The following CP variants were observed in gnomAD, a reference collection of about 807,000 sequenced individuals.
CP encodes caeruloplasmin.
Under a neutral mutation model 122.4 loss-of-function variants are expected in CP, and 64 were observed. The observed-to-expected ratio is 0.52, with a 90% CI of 0.43 to 0.64. The LOEUF is 0.64. Among genes scored for constraint, CP ranks in the 30% least tolerant of loss-of-function variants. The pLI is 0.00. For synonymous variants in CP, 440 were observed against 436.4 expected, an observed-to-expected ratio of 1.01 and a Z score of -0.10; for missense variants, 1,167 against 1,284.4, an observed-to-expected ratio of 0.91 and a Z score of 1.40.
chr3:149,187,881 A>G lies in CP; in HGVS notation c.1864+171T>C. On this transcript the variant is annotated intron_variant, in intron 10 of 18. Transcript: ENST00000264613. ...TATCTTGAATTAAGTGAAATAATGGATAACTGACAGACACATCAAATAACC... is the reference window on the plus strand; with the variant it reads ...TATCTTGAATTAAGTGAAATAATGGGTAACTGACAGACACATCAAATAACC... The G allele has an allele frequency of 4.4e-6, 3 of 676,394 alleles. No homozygotes were observed. In the East Asian group the frequency reaches 7.8e-5, roughly 18 times the overall value. The allele number at this position is 676,394 out of a possible 1,614,324, so 41.9% of individuals were successfully genotyped here.
chr3:149,183,065 C>A (rs1283395254), intron 13 of CP, among the ~76,000 whole-genome samples: 5 of 152,058 alleles, frequency 3.3e-5, no homozygotes, highest in African/African-American at 1.2e-4. Context: ...GTGGGAGACT[C>A]ACTTGAGCAC....
intron 5 of CP, among the ~76,000 whole-genome samples, chr3:149,164,863 C>A (rs1724252359): frequency 6.6e-6 from 1 of 152,162 alleles, no homozygotes; most frequent in East Asian, 1.9e-4. Flanking sequence ...CATGCATCTT[C>A]ATCATTTGAT....
Position 149,188,053 on chromosome 3 carries a change from G to A in CP, c.1863C>T (p.His621=), listed in dbSNP as rs1486669116. 2.5e-6 allele frequency: 4 copies of A among 1,611,638 alleles called. No individual in the cohort carries two copies. Among genetic ancestry groups the A allele is most frequent in the African/African-American group, 1.3e-5 (1 of 74,952 alleles). ...DEDFQESNKM[H]SMNGFMYGNQ... is the part of the protein sequence containing the mutation. ...ATTGGTGGATGATGCAGTACTTACA[G>A]TGCATTTTATTAGATTCCTGAAAGT... Residue 621 remains histidine (H), a splice_region_variant and synonymous_variant, in exon 10 of 19, where the codon CAC becomes CAT. Transcript: ENST00000264613.
intron 4 of CP, among the ~76,000 whole-genome samples, chr3:149,166,700 C>T (rs566149483): frequency 3.8e-4 from 58 of 152,194 alleles, no homozygotes; most frequent in Non-Finnish European, 1.3e-4. Flanking sequence ...CATCATTGGA[C>T]GTAAATCTTT....
intron 18 of CP, among the ~76,000 whole-genome samples, chr3:149,174,095 G>T (rs2108204688): frequency 6.6e-6 from 1 of 152,268 alleles, no homozygotes; most frequent in Middle Eastern, 3.4e-3. Flanking sequence ...TGCCATGATA[G>T]TCTTGCCAAA....
intron 10 of CP, 57 bp from the exon 11 acceptor site, chr3:149,186,789 C>T (rs1215412155): frequency 2.0e-6 from 3 of 1,517,648 alleles, no homozygotes; most frequent in Admixed American, 1.7e-5. Flanking sequence ...TACATGACAA[C>T]CTCACAGACT....
At chr3:149,207,760 A>T in intron 4 of CP, 143 bp from the exon 5 acceptor site, 1 of 829,588 alleles carries the variant, frequency 1.2e-6, no homozygotes, top group Admixed American at 2.0e-5. Flanking sequence ...CTCATGTCAG[A>T]CATTGCTAAT....
chr3:149,180,110 G>T, intron 14 of CP: 1 of 190,254 alleles, frequency 5.3e-6, no homozygotes. Context: ...AATTCCCTCA[G>T]CTTCAGCATT....
intron 6 of CP, among the ~76,000 whole-genome samples, chr3:149,203,923 A>G (rs546510418): frequency 2.5e-4 from 38 of 152,330 alleles, no homozygotes; most frequent in South Asian, 2.1e-3. Context: ...AGAGGCCACA[A>G]AGACATTCCA....
intron 2 of CP, 110 bp from the exon 3 acceptor site, chr3:149,210,489 T>C: frequency 1.0e-6 from 1 of 958,850 alleles, no homozygotes; most frequent in Non-Finnish European, 1.7e-6. Context: ...ATCTACTATG[T>C]GATCCTTGGG....
At chr3:149,202,016 G>A (rs1369753596) in intron 7 of CP, 86 bp downstream of exon 7, 1 of 1,537,798 alleles carries the variant, frequency 6.5e-7, no homozygotes, top group Non-Finnish European at 9.0e-7. Context: ...AAATCATGCA[G>A]TAGGTCCTGA....
At position 149,184,025 on chromosome 3, in the gene CP, C is replaced by CTTTT. The variant is rs1559939313; in HGVS notation, c.2286-421_2286-420insAAAA. ...TTCCCAGGCATTCCCTTTTCACTTA[C>CTTTT]TTCTTTTTTTTTTTTTTTTTTTTTT... On this transcript the variant is annotated intron_variant, in intron 12 of 18. Transcript: ENST00000264613. 5.7e-4 allele frequency among the ~76,000 whole-genome samples: 38 copies of CTTTT among 66,330 alleles called. 1 individual carries two copies. The highest frequency in any genetic ancestry group is 9.1e-4 in the Admixed American group (5 of 5,508). The allele number at this position is 66,330 out of a possible 152,430, so 43.5% of individuals were successfully genotyped here.
rs761394370 is a variant in CP, at chr3:149,199,796, G to A, written c.1417C>T (p.Leu473Phe). Residue 473 changes from leucine (L) to phenylalanine (F), a missense_variant, in exon 8 of 19, where the codon CTC becomes TTC. By Grantham distance (22) the Leu-to-Phe change is conservative. This residue lies in a region of CP where 642 missense variants were observed against 627.3 expected (regional missense o/e 1.02). Coordinates refer to ENST00000264613, the MANE Select transcript of CP (RefSeq NM_000096.4). ...CTCACCCCAATCGGCTCAATACTGAGGGGATATGCTCCTTTGTTATGGAAG... is the reference window on the plus strand; with the variant it reads ...CTCACCCCAATCGGCTCAATACTGAAGGGATATGCTCCTTTGTTATGGAAG... ...VTFHNKGAYPLSIEPIGVRFN... is the reference protein window; with the variant it reads ...VTFHNKGAYPFSIEPIGVRFN... The A allele has an allele frequency of 2.5e-6, 4 of 1,614,150 alleles. No homozygotes were observed. Among genetic ancestry groups the A allele is most frequent in the Non-Finnish European group, 3.4e-6 (4 of 1,179,986 alleles).
At position 149,189,516 on chromosome 3, in the gene CP, T is replaced by C. The variant is rs538824204; in HGVS notation, c.1714-1314A>G. 3.4e-5 allele frequency among the ~76,000 whole-genome samples: 5 copies of C among 147,528 alleles called. No homozygotes were observed. In the East Asian group the frequency reaches 5.9e-4, roughly 18 times the overall value. ...TTGCAGTGAGCCAAGATCGAGCCACTGCACTCCAGCCTGGGTAACAGAGCG... is the reference window on the plus strand; with the variant it reads ...TTGCAGTGAGCCAAGATCGAGCCACCGCACTCCAGCCTGGGTAACAGAGCG... On this transcript the variant is annotated intron_variant, in intron 9 of 18. Coordinates refer to ENST00000264613, the MANE Select transcript of CP (RefSeq NM_000096.4).
chr3:149,212,508 C>A lies in CP; in HGVS notation c.337G>T (p.Ala113Ser), dbSNP rs1728181381. The A allele has an allele frequency of 1.2e-6, 2 of 1,613,900 alleles. No homozygotes were observed. Among genetic ancestry groups the A allele is most frequent in the Non-Finnish European group, 1.7e-6 (2 of 1,179,920 alleles). The change falls in exon 2 of 19, where the codon GCC (alanine) becomes TCC (serine). Residue 113 changes from alanine (A) to serine (S), a missense_variant. By Grantham distance (99) the Ala-to-Ser change is moderately conservative. Transcript: ENST00000264613. Reference sequence around the variant, plus strand: ...GAATGAAAGGTGTAGGGCCTAGAGGCAAGGTTTTTTAAGTGTACATAAACT... The same window carrying A: ...GAATGAAAGGTGTAGGGCCTAGAGGAAAGGTTTTTTAAGTGTACATAAACT... ...DKVYVHLKNL[A>S]SRPYTFHSHG...
intron 9 of CP, among the ~76,000 whole-genome samples, chr3:149,195,015 T>C (rs1726805818): frequency 6.6e-6 from 1 of 152,134 alleles, no homozygotes; most frequent in Non-Finnish European, 1.5e-5. Flanking sequence ...TATATATAAA[T>C]ATTTTAGTAG....
intron 1 of CP, among the ~76,000 whole-genome samples, chr3:149,219,451 G>A (rs1728670434): frequency 6.6e-6 from 1 of 152,132 alleles, no homozygotes; most frequent in Non-Finnish European, 1.5e-5. Flanking sequence ...CCCCCATATT[G>A]TTCTCATGGT....
chr3:149,221,472 C>T (rs572560179), intron 1 of CP, among the ~76,000 whole-genome samples, 175 bp downstream of exon 1: 3 of 152,034 alleles, frequency 2.0e-5, no homozygotes, highest in African/African-American at 7.2e-5. Flanking sequence ...GGGTAGTCCA[C>T]CAAATAAAAA....
chr3:149,205,139 A>G (rs186849359), intron 6 of CP, among the ~76,000 whole-genome samples: 3 of 151,820 alleles, frequency 2.0e-5, no homozygotes, highest in Admixed American at 2.0e-4. Flanking sequence ...GAAAATGCAA[A>G]TCACAACCAC....
Sources: gnomAD v4.1 joint callset for allele counts (sites outside exome capture counted in the v4.1 genomes callset) on GRCh38, gnomAD v4.1.1 for gene constraint, gnomAD v4.1.1 regional missense constraint, MANE v1.5 for transcripts, NCBI Gene and HGNC (gene_info 2026-07-23, HGNC 2026-07-21) for gene names.